RPS7: variants seen among roughly 807,000 people sequenced by gnomAD.
RPS7 encodes the protein small ribosomal subunit protein eS7.
RPS7 carries 1 observed loss-of-function variant against 22.1 expected under a neutral mutation model. That is an observed-to-expected ratio of 0.05 (90% CI 0.02 to 0.21). RPS7 has a LOEUF of 0.21. Among genes scored for constraint, RPS7 ranks in the 10% least tolerant of loss-of-function variants. The pLI is 1.00. For missense variants in RPS7, 137 were observed against 246.4 expected, an observed-to-expected ratio of 0.56 and a Z score of 2.97; for synonymous variants, 80 against 92.0, an observed-to-expected ratio of 0.87 and a Z score of 0.74.
Position 3,577,697 on chromosome 2 carries a change from T to C in RPS7, c.292-13T>C. ...TTTTTTCATTTTGTTACATGATAAT[T>C]TTTACCTTACAGAGGAGAATTCTGC... On this transcript the variant is annotated splice_polypyrimidine_tract_variant and intron_variant, in intron 4 of 6. Transcript: ENST00000645674. The C allele has an allele frequency of 1.9e-6, 3 of 1,600,482 alleles. No individual in the cohort carries two copies. The highest frequency in any genetic ancestry group is 2.6e-6 in the Non-Finnish European group (3 of 1,168,642).
chr2:3,575,474 C>T (rs1214410117), intron 1 of RPS7, 118 bp from the exon 2 acceptor site: 1 of 705,548 alleles, frequency 1.4e-6, no homozygotes, highest in Non-Finnish European at 2.5e-6. Flanking sequence ...ATTACCCGCC[C>T]TGTGCTTTCC....
chr2:3,577,329 C>A, intron 4 of RPS7: 1 of 209,440 alleles, frequency 4.8e-6, no homozygotes, highest in Admixed American at 5.3e-5. Context: ...GAGCGAGACT[C>A]CATCTCAAAA....
At chr2:3,577,573 G>C (rs1661309479) in intron 4 of RPS7, 137 bp from the exon 5 acceptor site, 1 of 682,458 alleles carries the variant, frequency 1.5e-6, no homozygotes, top group African/African-American at 1.8e-5. Context: ...TCAATTGTTC[G>C]TCTAAGTTGT....
chr2:3,576,428 G>T lies in RPS7; in HGVS notation c.148-59G>T. ...ATAAGGTCTTCTTATCCTCTAATTT[G>T]ACCACAACGTTTACTTTCTGAAGCA... On this transcript the variant is annotated intron_variant, in intron 3 of 6. Transcript: ENST00000645674. The T allele has an allele frequency of 2.0e-6, 3 of 1,486,260 alleles. No homozygotes were observed. The South Asian group carries it at 3.4e-5, about 17-fold the overall frequency. The allele number at this position is 1,486,260 out of a possible 1,614,324, so 92.1% of individuals were successfully genotyped here. A position where few individuals can be genotyped will look rare whatever the true frequency, so the allele number is the denominator to read the frequency against.
intron 1 of RPS7, 21 bp from the exon 2 acceptor site, chr2:3,575,570 AC>A: frequency 6.3e-7 from 1 of 1,581,546 alleles, no homozygotes; most frequent in Non-Finnish European, 8.7e-7. Context: ...GGGCCGCGTA[AC>A]GCTGACCGCT....
At chr2:3,580,432 G>A in intron 6 of RPS7, 172 bp downstream of exon 6, 1 of 714,878 alleles carries the variant, frequency 1.4e-6, no homozygotes, top group Admixed American at 2.0e-5. Flanking sequence ...GTTAAATGGA[G>A]ATGTTTCAAG....
Position 3,580,030 on chromosome 2 carries a change from T to C in RPS7, c.357-80T>C. On this transcript the variant is annotated intron_variant, in intron 5 of 6. Coordinates refer to ENST00000645674, the MANE Select transcript of RPS7 (RefSeq NM_001011.4). ...GGAACCTGGGATTTGCATTTTCATT[T>C]TGACTTAAAGAGGTGCCCTCTGGAG... 4.5e-6 allele frequency: 6 copies of C among 1,319,938 alleles called. No individual in the cohort carries two copies. In the South Asian group the frequency reaches 7.1e-5, roughly 16 times the overall value. 81.8% of individuals were successfully genotyped at this position (1,319,938 alleles called of 1,614,324 possible). A position where few individuals can be genotyped will look rare whatever the true frequency, so the allele number is the denominator to read the frequency against.
Position 3,576,808 on chromosome 2 carries a change from G to A in RPS7, c.291+178G>A, listed in dbSNP as rs1189960197. 3.4e-5 allele frequency: 26 copies of A among 772,584 alleles called. No individual in the cohort carries two copies. The South Asian group carries it at 3.5e-4, about 10-fold the overall frequency. 47.9% of individuals were successfully genotyped at this position (772,584 alleles called of 1,614,324 possible). On this transcript the variant is annotated intron_variant, in intron 4 of 6. Transcript: ENST00000645674. ...AGGCCTGTAATCCCAGCACGGGGAG[G>A]TGGAGGCGGGTGGATCACTGTAGAG...
chr2:3,575,810 T>G lies in RPS7; in HGVS notation c.76-7T>G. The G allele has an allele frequency of 6.2e-7, 1 of 1,612,134 alleles. No individual in the cohort carries two copies. The highest frequency in any genetic ancestry group is 8.5e-7 in the Non-Finnish European group (1 of 1,179,424). On this transcript the variant is annotated splice_polypyrimidine_tract_variant and splice_region_variant and intron_variant, in intron 2 of 6. Transcript: ENST00000645674. ...CAGGGTCGGTCCTGCTGTTCGTTGCTTCTTAGGCTCTTCTGGAGCTGGAGA... is the reference window on the plus strand; with the variant it reads ...CAGGGTCGGTCCTGCTGTTCGTTGCGTCTTAGGCTCTTCTGGAGCTGGAGA...
chr2:3,576,419 C>G, intron 3 of RPS7, 68 bp from the exon 4 acceptor site: 1 of 1,407,958 alleles, frequency 7.1e-7, no homozygotes, highest in East Asian at 2.3e-5. Context: ...TCTTCTTATC[C>G]TCTAATTTGA....
intron 3 of RPS7, 191 bp downstream of exon 3, chr2:3,576,079 G>A: frequency 1.6e-6 from 1 of 641,450 alleles, no homozygotes; most frequent in Admixed American, 2.4e-5. Flanking sequence ...GGTACCCTGC[G>A]GCTTAAGCTG....
chr2:3,575,959 G>A lies in RPS7; in HGVS notation c.147+71G>A, dbSNP rs1661267626. On this transcript the variant is annotated intron_variant, in intron 3 of 6. Coordinates refer to ENST00000645674, the MANE Select transcript of RPS7 (RefSeq NM_001011.4). Reference sequence around the variant, plus strand: ...CCCCGCGCAGTGCCTGAGAGGGTTGGACCTGGGTTACGGTTGATGATGACT... The same window carrying A: ...CCCCGCGCAGTGCCTGAGAGGGTTGAACCTGGGTTACGGTTGATGATGACT... 1.0e-5 allele frequency: 11 copies of A among 1,103,940 alleles called. No homozygotes were observed. In the South Asian group the frequency reaches 1.4e-4, roughly 15 times the overall value. 68.4% of individuals were successfully genotyped at this position (1,103,940 alleles called of 1,614,324 possible).
intron 5 of RPS7, chr2:3,577,978 T>G: frequency 3.4e-6 from 2 of 591,498 alleles, no homozygotes; most frequent in East Asian, 2.8e-5. Context: ...GTTTGCCTAC[T>G]AGGTCAGTGC....
chr2:3,575,848 T>G lies in RPS7; in HGVS notation c.107T>G (p.Leu36Arg). The G allele has an allele frequency of 6.2e-7, 1 of 1,611,962 alleles. No individual in the cohort carries two copies. Among genetic ancestry groups the G allele is most frequent in the Non-Finnish European group, 8.5e-7 (1 of 1,179,698 alleles). ...CTGGAGCTGGAGATGAACTCGGACC[T>G]CAAGGCTCAGCTCAGGGAGCTGAAT... is the stretch of plus-strand genomic sequence containing the variant. Reference protein sequence around the residue: ...ALLELEMNSDLKAQLRELNIT... With the variant: ...ALLELEMNSDRKAQLRELNIT... The change falls in exon 3 of 7, where the codon CTC becomes CGC. Residue 36 changes from leucine to arginine, a missense_variant. By Grantham distance (102) the Leu-to-Arg change is moderately radical (BLOSUM62 -2). Transcript: ENST00000645674.
At position 3,576,475 on chromosome 2, in the gene RPS7, T is replaced by C; in HGVS notation, c.148-12T>C. 1 of 1,613,570 alleles carries C rather than the reference T, an allele frequency of 6.2e-7. No homozygotes were observed. The highest frequency in any genetic ancestry group is 1.3e-5 in the African/African-American group (1 of 75,046). On this transcript the variant is annotated splice_polypyrimidine_tract_variant and intron_variant, in intron 3 of 6. Coordinates refer to ENST00000645674, the MANE Select transcript of RPS7 (RefSeq NM_001011.4). The stretch of plus-strand genomic sequence containing the variant: ...AGCAGTTAACACAGTGGATTTTTGT[T>C]TTTTTCTTTAGGAAATTGAAGTTGG...
Position 3,575,272 on chromosome 2 carries a change from C to T in RPS7, c.-97C>T. 5.0e-6 allele frequency: 2 copies of T among 399,500 alleles called. No individual in the cohort carries two copies. Among genetic ancestry groups the T allele is most frequent in the East Asian group, 1.1e-4 (2 of 18,240 alleles). 24.7% of individuals were successfully genotyped at this position (399,500 alleles called of 1,614,324 possible). A position where few individuals can be genotyped will look rare whatever the true frequency, so the allele number is the denominator to read the frequency against. ...TTCCGCCCTCCTCCTCGCGCTGTTT[C>T]CGCCTCTTGCCTTCGGACGCCGGAT... On this transcript the variant is annotated 5_prime_UTR_variant, in exon 1 of 7. Coordinates refer to ENST00000645674, the MANE Select transcript of RPS7 (RefSeq NM_001011.4).
At chr2:3,577,488 G>T in intron 4 of RPS7, 1 of 573,618 alleles carries the variant, frequency 1.7e-6, no homozygotes. Context: ...GTCCACTGGC[G>T]TATTAGTAGA....
intron 5 of RPS7, chr2:3,579,807 C>A: frequency 4.1e-6 from 2 of 485,206 alleles, no homozygotes; most frequent in South Asian, 2.3e-5. Flanking sequence ...GTATAAAAGT[C>A]CTCTAATCTC....
rs369322119 is a variant in RPS7, at chr2:3,575,294, G to A, written c.-75G>A. 9.2e-6 allele frequency: 4 copies of A among 433,134 alleles called. No homozygotes were observed. The East Asian group carries it at 1.4e-4, about 15-fold the overall frequency. The allele number at this position is 433,134 out of a possible 1,614,324, so 26.8% of individuals were successfully genotyped here. On this transcript the variant is annotated 5_prime_UTR_variant, in exon 1 of 7. Transcript: ENST00000645674. ...TTTCCGCCTCTTGCCTTCGGACGCC[G>A]GATTTTGACGTGCTCTCGCGAGATT...
Sources: allele counts gnomAD v4.1 joint callset, GRCh38; gene constraint gnomAD v4.1.1; transcripts MANE v1.5; gene names NCBI Gene and HGNC (gene_info 2026-07-23, HGNC 2026-07-21).